The following BAZ2B variants were observed in gnomAD, a reference collection of about 807,000 sequenced individuals.
The protein encoded by BAZ2B is bromodomain adjacent to zinc finger domain 2B.
BAZ2B carries 91 observed loss-of-function variants against 246.0 expected under a neutral mutation model. That is an observed-to-expected ratio of 0.37 (90% CI 0.31 to 0.44). The LOEUF is 0.44. Among genes scored for constraint, BAZ2B ranks in the 20% least tolerant of loss-of-function variants. The pLI, the probability that BAZ2B is intolerant of heterozygous loss-of-function variation, is 1.00. For synonymous variants in BAZ2B, 855 were observed against 860.0 expected, an observed-to-expected ratio of 0.99 and a Z score of 0.10; for missense variants, 2,332 against 2,533.7, an observed-to-expected ratio of 0.92 and a Z score of 1.71.
In BAZ2B at chr2:159,402,807, G is replaced by A. The variant is rs375485997; in HGVS notation, c.2832+2042C>T. 4.6e-5 allele frequency among the ~76,000 whole-genome samples: 7 copies of A among 152,236 alleles called. No individual in the cohort carries two copies. The South Asian group carries it at 1.5e-3, about 32-fold the overall frequency. On this transcript the variant is annotated intron_variant, in intron 16 of 36. Transcript: ENST00000392783. ...TTGGTAGTGTTATCATTAGCATGCA[G>A]ATAAACATGGTAAATTATTATAATA... is the stretch of plus-strand genomic sequence containing the variant.
chr2:159,324,116 CA>C (rs1263056673), intron 36 of BAZ2B, among the ~76,000 whole-genome samples: 1 of 151,686 alleles, frequency 6.6e-6, no homozygotes, highest in Admixed American at 6.6e-5. Context: ...TTATTTTCAC[CA>C]AAAGAATGTA....
chr2:159,351,173 T>C (rs1307155759), intron 27 of BAZ2B, among the ~76,000 whole-genome samples: 1 of 152,194 alleles, frequency 6.6e-6, no homozygotes, highest in African/African-American at 2.4e-5. Flanking sequence ...AGGAGTTCTG[T>C]ATGTGATACA....
chr2:159,548,180 T>C (rs6742654), intron 2 of BAZ2B, among the ~76,000 whole-genome samples: 119,670 of 152,112 alleles, frequency 0.79, 47,891 homozygotes, highest in Admixed American at 0.86. Flanking sequence ...ATGTTTAGGA[T>C]GTATTTTATA....
intron 27 of BAZ2B, among the ~76,000 whole-genome samples, chr2:159,354,726 TTCTA>T (rs1485146854): frequency 6.6e-6 from 1 of 152,188 alleles, no homozygotes; most frequent in Non-Finnish European, 1.5e-5. Flanking sequence ...TTAAATTGTT[TTCTA>T]TCTTTTATCT....
intron 2 of BAZ2B, among the ~76,000 whole-genome samples, chr2:159,515,151 C>T (rs1229900721): frequency 6.6e-6 from 1 of 151,830 alleles, no homozygotes; most frequent in Non-Finnish European, 1.5e-5. Flanking sequence ...AATCAACATA[C>T]CTAATACTAC....
At chr2:159,551,152 A>G (rs371897124) in intron 2 of BAZ2B, among the ~76,000 whole-genome samples, 125 of 152,292 alleles carry the variant, frequency 8.2e-4, no homozygotes, top group African/African-American at 2.9e-3. Flanking sequence ...AAATTTTAAT[A>G]AAAACAGAAA....
At chr2:159,380,181 CTT>C (rs72453917) in intron 25 of BAZ2B, among the ~76,000 whole-genome samples, 14,768 of 152,130 alleles carry the variant, frequency 0.097, 740 homozygotes, top group Middle Eastern at 0.18. Flanking sequence ...TTTATTGACT[CTT>C]TTCTTTCCAT....
At chr2:159,677,868 C>G in the BAZ2B span, among the ~76,000 whole-genome samples, 2 of 152,256 alleles carry the variant, frequency 1.3e-5, no homozygotes, top group South Asian at 4.2e-4. Context: ...TACTTCAGAG[C>G]ACCAGAAACA....
At chr2:159,321,774 G>A (rs772159313) in intron 36 of BAZ2B, 14 of 152,202 alleles carry the variant, frequency 9.2e-5, no homozygotes, top group Non-Finnish European at 1.9e-4. Context: ...CAGTGGGGAG[G>A]TGGGGATAGT....
chr2:159,533,045 T>A (rs1317305074), intron 2 of BAZ2B, among the ~76,000 whole-genome samples: 2 of 152,102 alleles, frequency 1.3e-5, no homozygotes, highest in Non-Finnish European at 2.9e-5. Flanking sequence ...ACAGAGAAAC[T>A]AGAAAGTAAA....
intron 2 of BAZ2B, among the ~76,000 whole-genome samples, chr2:159,494,492 A>C (rs1401890271): frequency 1.3e-5 from 2 of 152,184 alleles, no homozygotes; most frequent in Non-Finnish European, 2.9e-5. Flanking sequence ...ATATACATGC[A>C]CATACTACTA....
Position 159,412,339 on chromosome 2 carries a change from A to G in BAZ2B, c.2673T>C (p.Ala891=). Residue 891 remains alanine, a synonymous_variant, in exon 14 of 37, where the codon GCT becomes GCC. Transcript: ENST00000392783. ...CAGACACATTATGTTTCTTACCTTG[A>G]GCTTGCAGTTTTCTTAGCAACTTTG... The part of the protein sequence containing the change: ...ADAKLLRKLQ[A]QEIARQAAQI... 1 of 1,613,982 alleles carries G rather than the reference A, an allele frequency of 6.2e-7. No homozygotes were observed. The highest frequency in any genetic ancestry group is 8.5e-7 in the Non-Finnish European group (1 of 1,179,880).
chr2:159,635,343 G>A, the BAZ2B span, among the ~76,000 whole-genome samples: 2 of 149,198 alleles, frequency 1.3e-5, no homozygotes, highest in African/African-American at 4.9e-5. Flanking sequence ...CAGAGTAAGA[G>A]AAAGAAAAAT....
intron 21 of BAZ2B, among the ~76,000 whole-genome samples, chr2:159,388,546 TTG>T (rs1559218086): frequency 6.6e-6 from 1 of 152,150 alleles, no homozygotes; most frequent in South Asian, 2.1e-4. Flanking sequence ...CATTTATTAG[TTG>T]TGTAATCTTG....
intron 34 of BAZ2B, among the ~76,000 whole-genome samples, chr2:159,332,009 G>A (rs538077592): frequency 1.1e-4 from 17 of 152,258 alleles, no homozygotes; most frequent in African/African-American, 3.6e-4. Flanking sequence ...ACAGATGGAT[G>A]TTTGAAGTGA....
chr2:159,465,957 T>C (rs16822530), intron 3 of BAZ2B, among the ~76,000 whole-genome samples: 12,144 of 151,798 alleles, frequency 0.08, 667 homozygotes, highest in Middle Eastern at 0.17. Context: ...GATGTATAGA[T>C]GCCTACAACA....
chr2:159,349,903 A>C lies in BAZ2B; in HGVS notation c.4668T>G (p.Asn1556Lys). Residue 1556 changes from asparagine (N) to lysine (K), a missense_variant, in exon 28 of 37, where the codon AAT (asparagine) becomes AAG (lysine). By Grantham distance (94) the Asn-to-Lys change is moderately conservative (BLOSUM62 0). Transcript: ENST00000392783. ...GTGGCAAAAGACTAAACCATTGTCT[A>C]TTCTTTTCAGTCAGCGTTTTTAGTA... ...DQLLKTLTEK[N>K]RQWFSLLPRT... 6.2e-7 allele frequency: 1 copy of C among 1,614,204 alleles called. No homozygotes were observed. The highest frequency in any genetic ancestry group is 8.5e-7 in the Non-Finnish European group (1 of 1,180,014).
intron 20 of BAZ2B, among the ~76,000 whole-genome samples, chr2:159,394,919 C>T (rs1173520854): frequency 6.6e-6 from 1 of 152,158 alleles, no homozygotes; most frequent in Non-Finnish European, 1.5e-5. Flanking sequence ...AAACAATACA[C>T]CTATTTTCTC....
chr2:159,627,391 T>C, the BAZ2B span, among the ~76,000 whole-genome samples: 3 of 151,934 alleles, frequency 2.0e-5, no homozygotes, highest in East Asian at 5.8e-4. Flanking sequence ...GCCAATATCC[T>C]TGATGAACAT....
Sources: gnomAD v4.1 joint callset for allele counts (sites outside exome capture counted in the v4.1 genomes callset) on GRCh38, gnomAD v4.1.1 for gene constraint, MANE v1.5 for transcripts, NCBI Gene and HGNC (gene_info 2026-07-23, HGNC 2026-07-21) for gene names.